OGFOD3: variants seen among roughly 807,000 people sequenced by gnomAD.
OGFOD3 encodes 2-oxoglutarate and iron-dependent oxygenase domain-containing protein 3.
Under a neutral mutation model 39.8 loss-of-function variants are expected in OGFOD3, and 35 were observed. That is an observed-to-expected ratio of 0.88 (90% CI 0.67 to 1.17). The LOEUF (loss-of-function observed/expected upper bound fraction) is 1.17, where lower values mean the gene tolerates loss of function less well. Among genes scored for constraint, OGFOD3 ranks in the 50% most tolerant of loss-of-function variants. The pLI is 0.00. For synonymous variants in OGFOD3, 200 were observed against 192.0 expected, an observed-to-expected ratio of 1.04 and a Z score of -0.34; for missense variants, 438 against 454.5, an observed-to-expected ratio of 0.96 and a Z score of 0.33.
At position 82,409,360 on chromosome 17, in the gene OGFOD3, C is replaced by T; in HGVS notation, c.423+8G>A. 1 of 1,613,684 alleles carries T rather than the reference C, an allele frequency of 6.2e-7. No individual in the cohort carries two copies. The highest frequency in any genetic ancestry group is 1.1e-5 in the South Asian group (1 of 91,062). On this transcript the variant is annotated splice_region_variant and intron_variant, in intron 4 of 8. Transcript: ENST00000313056. Reference sequence around the variant, plus strand: ...AAAAAAGGGGGGCAGGGACTACATTCAACTCACCCCTCCGTCAGATCCTCC... The same window carrying T: ...AAAAAAGGGGGGCAGGGACTACATTTAACTCACCCCTCCGTCAGATCCTCC...
At chr17:82,398,433 TC>T in intron 7 of OGFOD3, 114 bp from the exon 8 acceptor site, 1 of 1,325,994 alleles carries the variant, frequency 7.5e-7, no homozygotes, top group African/African-American at 1.5e-5. Context: ...AGAGTCTTGC[TC>T]CATCACCCAG....
chr17:82,390,619 G>A lies in OGFOD3; in HGVS notation c.*1779C>T, dbSNP rs1373811615. 1 of 172,766 alleles carries A rather than the reference G, an allele frequency of 5.8e-6. No homozygotes were observed. Among genetic ancestry groups the A allele is most frequent in the Admixed American group, 6.4e-5 (1 of 15,720 alleles). 10.7% of individuals were successfully genotyped at this position (172,766 alleles called of 1,614,324 possible). ...GAGGGTTCCCCATACACGGGCAGAAGCTGTGGACCCAGGGAGCCTATCCCA... is the reference window on the plus strand; with the variant it reads ...GAGGGTTCCCCATACACGGGCAGAAACTGTGGACCCAGGGAGCCTATCCCA... On this transcript the variant is annotated 3_prime_UTR_variant, in exon 9 of 9. Transcript: ENST00000313056. The surrounding 1 kb of genome is among the most constrained non-coding windows in gnomAD (Gnocchi z 4.9).
At chr17:82,409,008 G>C (rs1460986245) in intron 4 of OGFOD3, among the ~76,000 whole-genome samples, 4 of 152,202 alleles carry the variant, frequency 2.6e-5, no homozygotes, top group Admixed American at 2.6e-4. Context: ...AGCTCCACGG[G>C]CTCTCCTGTG....
chr17:82,409,850 G>T (rs948949741), intron 3 of OGFOD3, among the ~76,000 whole-genome samples: 1 of 152,128 alleles, frequency 6.6e-6, no homozygotes, highest in Non-Finnish European at 1.5e-5. Context: ...AGCCGAGATC[G>T]CGCCACTGCA....
intron 3 of OGFOD3, among the ~76,000 whole-genome samples, chr17:82,409,724 G>A (rs1279689837): frequency 1.3e-5 from 2 of 152,100 alleles, no homozygotes; most frequent in Non-Finnish European, 2.9e-5. Context: ...GTGAAACCTC[G>A]TCTCAACTAA....
rs755487772 is a variant in OGFOD3 at position 82,415,646 on chromosome 17, C to A, written c.75-19G>T. On this transcript the variant is annotated intron_variant, in intron 1 of 8. Transcript: ENST00000313056. The surrounding 1 kb of genome is among the most constrained non-coding windows in gnomAD (Gnocchi z 5.3). ...CTTGGTGCTGAGAACAGAAAACAGG[C>A]CACGTCACCCAAACACGGAGTGAGG... 1.3e-6 allele frequency: 2 copies of A among 1,589,604 alleles called. No homozygotes were observed. Among genetic ancestry groups the A allele is most frequent in the South Asian group, 2.2e-5 (2 of 89,716 alleles).
Position 82,418,540 on chromosome 17 carries a change from A to G in OGFOD3, c.-55T>C. The G allele has an allele frequency of 9.5e-7, 1 of 1,048,854 alleles. No individual in the cohort carries two copies. The highest frequency in any genetic ancestry group is 2.4e-5 in the South Asian group (1 of 41,998). 65.0% of individuals were successfully genotyped at this position (1,048,854 alleles called of 1,614,324 possible). On this transcript the variant is annotated 5_prime_UTR_variant, in exon 1 of 9. Transcript: ENST00000313056. ...ACGCGGGCGCCAGGCCCGGGGACGA[A>G]CGCCGTAACAGGGAGCGCGAGGCAG...
rs2052859665 is a variant in OGFOD3 at position 82,406,583 on chromosome 17, C to A, written c.424-101G>T. 1.0e-6 allele frequency: 1 copy of A among 973,824 alleles called. No homozygotes were observed. The highest frequency in any genetic ancestry group is 1.6e-6 in the Non-Finnish European group (1 of 606,816). 60.3% of individuals were successfully genotyped at this position (973,824 alleles called of 1,614,324 possible). A position where few individuals can be genotyped will look rare whatever the true frequency, so the allele number is the denominator to read the frequency against. On this transcript the variant is annotated intron_variant, in intron 4 of 8. Coordinates refer to ENST00000313056, the MANE Select transcript of OGFOD3 (RefSeq NM_024648.3). The surrounding 1 kb of genome is among the most constrained non-coding windows in gnomAD (Gnocchi z 5.2). The stretch of plus-strand genomic sequence containing the variant: ...GCGAGTTTCCAAGGTCTGGCCAGCA[C>A]ACACCTCAGGTGTTTTTTTGTTTTT...
Position 82,392,785 on chromosome 17 carries a change from G to A in OGFOD3, c.824-251C>T. On this transcript the variant is annotated intron_variant, in intron 8 of 8. Coordinates refer to ENST00000313056, the MANE Select transcript of OGFOD3 (RefSeq NM_024648.3). The surrounding 1 kb of genome is among the most constrained non-coding windows in gnomAD (Gnocchi z 4.2). ...CCAGCAGGGACTCTGTGGTGGGCAG[G>A]ACAGAGGAAGATGCTGCAGATGAGG... is the stretch of plus-strand genomic sequence containing the variant. 1.9e-6 allele frequency: 1 copy of A among 525,252 alleles called. No homozygotes were observed. Among genetic ancestry groups the A allele is most frequent in the Non-Finnish European group, 3.4e-6 (1 of 296,440 alleles). 32.5% of individuals were successfully genotyped at this position (525,252 alleles called of 1,614,324 possible). A position where few individuals can be genotyped will look rare whatever the true frequency, so the allele number is the denominator to read the frequency against.
chr17:82,410,673 C>G (rs532634957), intron 3 of OGFOD3, among the ~76,000 whole-genome samples: 55 of 148,266 alleles, frequency 3.7e-4, no homozygotes, highest in Middle Eastern at 6.9e-3. Flanking sequence ...CTCCTGAAAT[C>G]GGAAAATCTG....
intron 2 of OGFOD3, among the ~76,000 whole-genome samples, chr17:82,411,952 AAACCCTCCTGAGGCCACCAGAGGGGGG>A (rs1302932181): frequency 2.1e-4 from 32 of 151,832 alleles, no homozygotes; most frequent in Non-Finnish European, 3.5e-4. Context: ...CCAGGGAGGA[AAACCCTCCTGAGGCCACCAGAGGGGGG>A]AACCCTCCTG....
Position 82,415,373 on chromosome 17 carries a change from T to G in OGFOD3, c.304+25A>C. ...TCCTTTAACCACACTGAGTCTCATT[T>G]TAAAGTGTTGCTTTCCTGAACTACC... On this transcript the variant is annotated intron_variant, in intron 2 of 8. Transcript: ENST00000313056. The surrounding 1 kb of genome is among the most constrained non-coding windows in gnomAD (Gnocchi z 5.3). 6.2e-7 allele frequency: 1 copy of G among 1,600,980 alleles called. No individual in the cohort carries two copies. Among genetic ancestry groups the G allele is most frequent in the South Asian group, 1.1e-5 (1 of 90,554 alleles).
At chr17:82,416,986 T>C (rs1204612083) in intron 1 of OGFOD3, among the ~76,000 whole-genome samples, 3 of 152,244 alleles carry the variant, frequency 2.0e-5, no homozygotes, top group Non-Finnish European at 2.9e-5. Flanking sequence ...CAAAAGTCTA[T>C]ATTTCTATAT....
chr17:82,393,533 A>G (rs764391286), intron 8 of OGFOD3: 1 of 152,272 alleles, frequency 6.6e-6, no homozygotes, highest in Non-Finnish European at 1.5e-5. Flanking sequence ...CAGGCAAGGC[A>G]GCCGATCTTT....
intron 8 of OGFOD3, among the ~76,000 whole-genome samples, chr17:82,397,766 G>C (rs933741366): frequency 3.4e-4 from 52 of 152,282 alleles, no homozygotes; most frequent in Non-Finnish European, 6.3e-4. Context: ...CACCCGGTGA[G>C]GTTCCAGCCA....
intron 1 of OGFOD3, among the ~76,000 whole-genome samples, chr17:82,416,595 A>C (rs2053044650): frequency 6.6e-6 from 1 of 152,214 alleles, no homozygotes; most frequent in Admixed American, 6.5e-5. Flanking sequence ...CTTTGGACAC[A>C]TGTATTTCCA....
intron 4 of OGFOD3, among the ~76,000 whole-genome samples, chr17:82,407,214 G>C (rs1190009098): frequency 2.0e-5 from 3 of 151,690 alleles, no homozygotes; most frequent in African/African-American, 7.3e-5. Flanking sequence ...GCAGCGAGCC[G>C]AGATCGTGCC....
At chr17:82,396,125 GA>G (rs2052668745) in intron 8 of OGFOD3, among the ~76,000 whole-genome samples, 3 of 149,506 alleles carry the variant, frequency 2.0e-5, no homozygotes, top group Admixed American at 6.7e-5. Context: ...AAATCACAGG[GA>G]AACACATAGA....
chr17:82,411,677 T>G (rs1442019244), intron 2 of OGFOD3, 147 bp from the exon 3 acceptor site: 3 of 628,478 alleles, frequency 4.8e-6, no homozygotes, highest in Non-Finnish European at 8.5e-6. Context: ...GTGCATGCGC[T>G]TTGTGCGGTG....
Sources: allele counts gnomAD v4.1 joint callset (sites outside exome capture counted in the v4.1 genomes callset), GRCh38; gene constraint gnomAD v4.1.1; non-coding constraint Gnocchi (gnomAD v3.1); transcripts MANE v1.5; gene names NCBI Gene and HGNC (gene_info 2026-07-23, HGNC 2026-07-21).